The following SLC30A9 variants were observed in gnomAD, a reference collection of about 807,000 sequenced individuals.
The protein encoded by SLC30A9 is proton-coupled zinc antiporter SLC30A9, mitochondrial.
Under a neutral mutation model 87.5 loss-of-function variants are expected in SLC30A9, and 58 were observed. The ratio of observed to expected loss-of-function variants is 0.66; its 90% CI spans 0.54 to 0.82. SLC30A9 has a LOEUF of 0.82. Ranked by LOEUF, SLC30A9 falls within the 40% of genes least tolerant of loss-of-function variation. SLC30A9 has a pLI of 0.00. For missense variants in SLC30A9, 557 were observed against 679.1 expected, an observed-to-expected ratio of 0.82 and a Z score of 2.00; for synonymous variants, 234 against 233.0, an observed-to-expected ratio of 1.00 and a Z score of -0.04.
intron 10 of SLC30A9, among the ~76,000 whole-genome samples, chr4:42,060,900 A>G (rs762436947): frequency 1.2e-4 from 18 of 152,164 alleles, no homozygotes; most frequent in Non-Finnish European, 2.4e-4. Context: ...GTCTACCTCT[A>G]TTCTTTAGAA....
chr4:42,013,378 T>TTTC (rs559995812), intron 2 of SLC30A9, among the ~76,000 whole-genome samples: 146 of 152,310 alleles, frequency 9.6e-4, no homozygotes, highest in African/African-American at 2.5e-3. Context: ...CAGATACTAC[T>TTTC]GCAAATCACC....
chr4:42,027,942 C>T (rs1716261416), intron 6 of SLC30A9, among the ~76,000 whole-genome samples: 1 of 152,148 alleles, frequency 6.6e-6, no homozygotes, highest in African/African-American at 2.4e-5. Context: ...ACACTGAGGA[C>T]AGACATCAGT....
chr4:42,018,079 TTAATG>T, intron 2 of SLC30A9, 27 bp from the exon 3 acceptor site: 2 of 1,216,524 alleles, frequency 1.6e-6, no homozygotes, highest in Non-Finnish European at 2.4e-6. Flanking sequence ...AAGCAGTTGT[TTAATG>T]TAAACTTCTT....
chr4:42,029,591 G>A, intron 6 of SLC30A9: 2 of 700,492 alleles, frequency 2.9e-6, no homozygotes, highest in South Asian at 1.6e-5. Context: ...TTTGAAAATT[G>A]TGACAATGTG....
intron 7 of SLC30A9, among the ~76,000 whole-genome samples, chr4:42,037,064 G>A (rs1716703623): frequency 1.2e-5 from 1 of 84,576 alleles, no homozygotes; most frequent in African/African-American, 2.5e-5. Context: ...GTTTTGAAAT[G>A]ATTTTTTTTT....
chr4:42,066,630 T>C lies in SLC30A9; in HGVS notation c.1144+9T>C, dbSNP rs1392284989. The C allele has an allele frequency of 1.3e-6, 2 of 1,590,786 alleles. No homozygotes were observed. The highest frequency in any genetic ancestry group is 2.7e-5 in the African/African-American group (2 of 74,404). On this transcript the variant is annotated intron_variant, in intron 13 of 17. Transcript: ENST00000264451. The stretch of plus-strand genomic sequence containing the variant: ...GTCATTTTACAAGTATGGTATGTAT[T>C]TTAGAAACCAAGTGTTTGTTTCACC...
rs553211100 is a variant in SLC30A9 at position 42,086,006 on chromosome 4, C to T, written c.1663-76C>T. 5 of 210,010 alleles carry T rather than the reference C, an allele frequency of 2.4e-5. 1 individual carries two copies. Among genetic ancestry groups the T allele is most frequent in the East Asian group, 1.0e-3 (1 of 980 alleles). 13.0% of individuals were successfully genotyped at this position (210,010 alleles called of 1,614,324 possible). On this transcript the variant is annotated intron_variant, in intron 17 of 17. Coordinates refer to ENST00000264451, the MANE Select transcript of SLC30A9 (RefSeq NM_006345.4). Reference sequence around the variant, plus strand: ...TAGTTTGCAAATGTTTTCATTGGCTCTAATGACCAAAAGGAATAAAAAGAA... The same window carrying T: ...TAGTTTGCAAATGTTTTCATTGGCTTTAATGACCAAAAGGAATAAAAAGAA...
rs1719007699 is a variant in SLC30A9, at chr4:42,088,730, G to C, written c.*2604G>C. 1 of 152,300 alleles carries C rather than the reference G, an allele frequency of 6.6e-6. No individual in the cohort carries two copies. Among genetic ancestry groups the C allele is most frequent in the Non-Finnish European group, 1.5e-5 (1 of 68,138 alleles). The allele number at this position is 152,300 out of a possible 1,614,324, so 9.4% of individuals were successfully genotyped here. On this transcript the variant is annotated 3_prime_UTR_variant, in exon 18 of 18. Coordinates refer to ENST00000264451, the MANE Select transcript of SLC30A9 (RefSeq NM_006345.4). ...ATGAGAACTCCACCCCCGTGATCCA[G>C]TCATCTCCCACCAGGCCCTACCTCC...
chr4:41,993,635 C>A (rs920846351), intron 1 of SLC30A9, among the ~76,000 whole-genome samples: 1 of 152,188 alleles, frequency 6.6e-6, no homozygotes, highest in East Asian at 1.9e-4. Flanking sequence ...AAAACAGGAA[C>A]TCTCTTAACT....
rs74330351 is a variant in SLC30A9, at chr4:42,036,421, T to A, written c.669+1088T>A. Among the ~76,000 whole-genome samples, 870 of 152,284 alleles carry A rather than the reference T, an allele frequency of 5.7e-3. 3 individuals carry two copies. The highest frequency in any genetic ancestry group is 0.02 in the African/African-American group (833 of 41,550). On this transcript the variant is annotated intron_variant, in intron 7 of 17. Coordinates refer to ENST00000264451, the MANE Select transcript of SLC30A9 (RefSeq NM_006345.4). ...TACTGTTCTACCTCTTATTTTCTCC[T>A]GAACCTAATCCAATTGGGCTTTCAA...
intron 12 of SLC30A9, 90 bp downstream of exon 12, chr4:42,065,439 T>A: frequency 1.3e-6 from 1 of 776,582 alleles, no homozygotes; most frequent in Non-Finnish European, 2.2e-6. Context: ...TTCTGTTGAT[T>A]AAAGAAAAGC....
intron 6 of SLC30A9, among the ~76,000 whole-genome samples, chr4:42,031,147 G>A (rs774353508): frequency 2.0e-5 from 3 of 151,990 alleles, no homozygotes. Flanking sequence ...CCATAGACTG[G>A]TGTAAAATGT....
At chr4:42,035,584 G>A (rs966064449) in intron 7 of SLC30A9, among the ~76,000 whole-genome samples, 5 of 149,290 alleles carry the variant, frequency 3.3e-5, no homozygotes, top group African/African-American at 1.2e-4. Context: ...TGCAATCTCC[G>A]CCTCCCGGGT....
intron 8 of SLC30A9, among the ~76,000 whole-genome samples, chr4:42,044,597 A>G (rs759252559): frequency 9.2e-5 from 14 of 152,180 alleles, no homozygotes; most frequent in Non-Finnish European, 1.5e-4. Flanking sequence ...AGAGACTTAG[A>G]CTCCCACACA....
Position 42,004,082 on chromosome 4 carries a change from A to T in SLC30A9, c.274+2302A>T, listed in dbSNP as rs1035049086. ...TCTTTCTGTCTGATGTACATCCTAT[A>T]CAAGTTCGTTTAGCTGAGGATCTTT... On this transcript the variant is annotated intron_variant, in intron 2 of 17. Transcript: ENST00000264451. Among the ~76,000 whole-genome samples, 5 of 152,250 alleles carry T rather than the reference A, an allele frequency of 3.3e-5. No homozygotes were observed. In the East Asian group the frequency reaches 7.7e-4, roughly 24 times the overall value.
At chr4:42,037,069 T>G (rs535847669) in intron 7 of SLC30A9, among the ~76,000 whole-genome samples, 2 of 152,298 alleles carry the variant, frequency 1.3e-5, no homozygotes, top group Admixed American at 6.5e-5. Flanking sequence ...GAAATGATTT[T>G]TTTTTGCTAT....
intron 17 of SLC30A9, among the ~76,000 whole-genome samples, 157 bp from the exon 18 acceptor site, chr4:42,085,925 T>C (rs1191755436): frequency 6.6e-6 from 1 of 151,362 alleles, no homozygotes; most frequent in Non-Finnish European, 1.5e-5. Flanking sequence ...ATTTACCTAT[T>C]GATCTTACTT....
At chr4:42,040,265 A>G (rs1407838407) in intron 8 of SLC30A9, among the ~76,000 whole-genome samples, 2 of 152,180 alleles carry the variant, frequency 1.3e-5, no homozygotes, top group East Asian at 3.8e-4. Flanking sequence ...TCCACCAGTA[A>G]TACAGGGATA....
chr4:42,019,677 CA>C (rs1560540093), intron 3 of SLC30A9, among the ~76,000 whole-genome samples: 1 of 151,928 alleles, frequency 6.6e-6, no homozygotes. Context: ...AAGGTTTTCA[CA>C]AAAAAATAAT....
Sources: gnomAD v4.1 joint callset for allele counts (sites outside exome capture counted in the v4.1 genomes callset) on GRCh38, gnomAD v4.1.1 for gene constraint, MANE v1.5 for transcripts, NCBI Gene and HGNC (gene_info 2026-07-23, HGNC 2026-07-21) for gene names.